Variants in CDKL5 observed in about 807,000 individuals in gnomAD.
The protein encoded by CDKL5 is cyclin dependent kinase like 5.
A neutral mutation model predicts 61.7 loss-of-function variants in CDKL5; 8 were observed. The observed-to-expected ratio is 0.13, with a 90% CI of 0.08 to 0.23. CDKL5 has a LOEUF of 0.23. Among genes scored for constraint, CDKL5 ranks in the 10% least tolerant of loss-of-function variants. CDKL5 has a pLI of 1.00. For missense variants in CDKL5, 440 were observed against 734.5 expected (o/e 0.60, Z 4.63); for synonymous variants, 275 against 272.3 (o/e 1.01, Z -0.10).
intron 3 of CDKL5, among the ~76,000 whole-genome samples, chrX:18,524,822 A>G (rs958563100): frequency 1.2e-4 from 13 of 112,194 alleles, no homozygotes; most frequent in Admixed American, 1.1e-3. Context: ...TTGCATTTGG[A>G]CATCTAGCAC....
At chrX:18,594,239 T>G (rs1053157399) in intron 9 of CDKL5, among the ~76,000 whole-genome samples, 1 of 112,229 alleles carries the variant, frequency 8.9e-6, no homozygotes, top group African/African-American at 3.2e-5. Flanking sequence ...CCCTGACATT[T>G]GGAAGGGAGT....
chrX:18,582,186 G>A (rs1002587251), intron 7 of CDKL5, among the ~76,000 whole-genome samples: 9 of 111,088 alleles, frequency 8.1e-5, no homozygotes, highest in African/African-American at 2.9e-4. Context: ...CTAATTCAAA[G>A]CAAATACACC....
At position 18,435,964 on chromosome X, in the gene CDKL5, C is replaced by CA. The variant is rs755241835; in HGVS notation, c.-163+10274dup. On this transcript the variant is annotated intron_variant, in intron 1 of 17. Coordinates refer to ENST00000623535, the MANE Select transcript of CDKL5 (RefSeq NM_001323289.2). ...GTTAGGGTGCTGACCCTCACGCAGT[C>CA]AAAAATCCAAGTATAACTTTTGACC... is the stretch of plus-strand genomic sequence containing the variant. Among the ~76,000 whole-genome samples the CA allele has an allele frequency of 2.7e-5, 3 of 110,845 alleles. No homozygotes were observed. In the Admixed American group the frequency reaches 2.9e-4, roughly 11 times the overall value.
chrX:18,641,001 A>G (rs1927555224), downstream of CDKL5: 1 of 112,811 alleles, frequency 8.9e-6, no homozygotes, highest in Non-Finnish European at 1.9e-5. Context: ...GTGGAGGGTG[A>G]GAAGCTTTCA....
chrX:18,544,757 A>G (rs1199308834), intron 3 of CDKL5, among the ~76,000 whole-genome samples: 1 of 112,832 alleles, frequency 8.9e-6, no homozygotes, highest in African/African-American at 3.2e-5. Flanking sequence ...TTACTAAAGT[A>G]CGTTTCTAAT....
At chrX:18,609,942 C>A (rs1926492192) in intron 14 of CDKL5, among the ~76,000 whole-genome samples, 1 of 112,294 alleles carries the variant, frequency 8.9e-6, no homozygotes, top group African/African-American at 3.2e-5. Flanking sequence ...AGTCAAAGAT[C>A]TTCACCATCA....
At position 18,519,160 on chromosome X, in the gene CDKL5, C is replaced by T. The variant is rs753373301; in HGVS notation, c.99+8306C>T. On this transcript the variant is annotated intron_variant, in intron 3 of 17. Transcript: ENST00000623535. ...AGAACCTCTCCTAGCTGTATAGATC[C>T]GGAGTTGGCAAACTACTGCCTGTGG... 4.5e-5 allele frequency among the ~76,000 whole-genome samples: 5 copies of T among 111,475 alleles called. 1 individual carries two copies. In the South Asian group the frequency reaches 1.1e-3, roughly 25 times the overall value.
At chrX:18,551,680 G>C (rs1410897151) in intron 3 of CDKL5, among the ~76,000 whole-genome samples, 1 of 105,173 alleles carries the variant, frequency 9.5e-6, no homozygotes, top group African/African-American at 3.5e-5. Flanking sequence ...CAACCTTCCT[G>C]GCCCAAAGGA....
At chrX:18,448,270 A>AAAATATCACATTTATATAAAATAT (rs765965017) in intron 1 of CDKL5, among the ~76,000 whole-genome samples, 1 of 112,018 alleles carries the variant, frequency 8.9e-6, no homozygotes, top group African/African-American at 3.3e-5. Context: ...AATGTGATAT[A>AAAATATCACATTTATATAAAATAT]AAATATGATT....
intron 12 of CDKL5, among the ~76,000 whole-genome samples, chrX:18,607,810 G>C (rs764109621): frequency 1.8e-5 from 2 of 111,991 alleles, no homozygotes; most frequent in East Asian, 5.6e-4. Context: ...TTTGTAAACA[G>C]TACAGGTGGT....
chrX:18,558,794 C>T (rs192621704), intron 3 of CDKL5, among the ~76,000 whole-genome samples: 38 of 112,416 alleles, frequency 3.4e-4, no homozygotes, highest in Admixed American at 2.6e-3. Flanking sequence ...TACTAGCCTG[C>T]ATTAACATCT....
rs570943895 is a variant in CDKL5, at chrX:18,478,440, A to C, written c.-162-28495A>C. 2.6e-4 allele frequency among the ~76,000 whole-genome samples: 28 copies of C among 106,896 alleles called. No individual in the cohort carries two copies. The South Asian group carries it at 0.011, about 44-fold the overall frequency. 92.8% of individuals were successfully genotyped at this position (106,896 alleles called of 115,157 possible). A position where few individuals can be genotyped will look rare whatever the true frequency, so the allele number is the denominator to read the frequency against. ...CAAGTAGCTGGGATAACAGGCATGCACCACCACACCTGGCTAATTTTTGTA... is the reference window on the plus strand; with the variant it reads ...CAAGTAGCTGGGATAACAGGCATGCCCCACCACACCTGGCTAATTTTTGTA... On this transcript the variant is annotated intron_variant, in intron 1 of 17. Coordinates refer to ENST00000623535, the MANE Select transcript of CDKL5 (RefSeq NM_001323289.2).
chrX:18,544,385 G>A (rs906353265), intron 3 of CDKL5, among the ~76,000 whole-genome samples: 1 of 112,289 alleles, frequency 8.9e-6, no homozygotes, highest in Admixed American at 9.4e-5. Flanking sequence ...GATGGTAGTG[G>A]GTGATAATGG....
chrX:18,574,755 T>C lies in CDKL5; in HGVS notation c.146-599T>C, dbSNP rs751563492. On this transcript the variant is annotated intron_variant, in intron 4 of 17. Transcript: ENST00000623535. ...AGCAGCTGCTGTTCAGAGAGAAGAT[T>C]AGACACTCTCAGAATTCCCTGCAAC... Among the ~76,000 whole-genome samples the C allele has an allele frequency of 2.7e-5, 3 of 111,730 alleles. No individual in the cohort carries two copies. The South Asian group carries it at 1.1e-3, about 42-fold the overall frequency.
At chrX:18,585,510 AT>A (rs370426771) in intron 8 of CDKL5, among the ~76,000 whole-genome samples, 5 of 111,723 alleles carry the variant, frequency 4.5e-5, no homozygotes, top group African/African-American at 6.6e-5. Flanking sequence ...TGCATTGATG[AT>A]TTTCTCAGTA....
intron 3 of CDKL5, among the ~76,000 whole-genome samples, chrX:18,541,971 G>A (rs1367737012): frequency 9.0e-6 from 1 of 111,667 alleles, no homozygotes; most frequent in Admixed American, 9.5e-5. Flanking sequence ...TACAGTCTTC[G>A]CTGGCACCTG....
intron 5 of CDKL5, among the ~76,000 whole-genome samples, chrX:18,579,234 A>G (rs1925395446): frequency 8.9e-6 from 1 of 111,745 alleles, no homozygotes; most frequent in Admixed American, 9.5e-5. Flanking sequence ...ATTTCTACAT[A>G]ATAAAAAATT....
intron 1 of CDKL5, among the ~76,000 whole-genome samples, chrX:18,444,959 C>T (rs902022486): frequency 2.7e-5 from 3 of 111,182 alleles, no homozygotes; most frequent in South Asian, 3.7e-4. Flanking sequence ...GGGTTCACTG[C>T]GTCTAGAGAG....
intron 7 of CDKL5, among the ~76,000 whole-genome samples, chrX:18,582,435 AG>A (rs987843273): frequency 9.8e-5 from 11 of 111,684 alleles, no homozygotes; most frequent in African/African-American, 3.6e-4. Context: ...TTGAATGTAT[AG>A]GGAAATTTTT....
Sources: gnomAD v4.1 joint callset for allele counts (sites outside exome capture counted in the v4.1 genomes callset) on GRCh38, gnomAD v4.1.1 for gene constraint, MANE v1.5 for transcripts, NCBI Gene and HGNC (gene_info 2026-07-23, HGNC 2026-07-21) for gene names.